The following PPEF1 variants were observed in gnomAD, a reference collection of about 807,000 sequenced individuals.
The protein encoded by PPEF1 is serine/threonine-protein phosphatase with EF-hands 1.
In PPEF1, 12 loss-of-function variants were observed where a neutral mutation model predicts 53.3. That is an observed-to-expected ratio of 0.23 (90% CI 0.14 to 0.36). The LOEUF is 0.36. PPEF1 is among the 10% of genes least tolerant of loss of function. The pLI, the probability that PPEF1 is intolerant of heterozygous loss-of-function variation, is 1.00. For synonymous variants in PPEF1, 165 were observed against 176.7 expected (o/e 0.93, Z 0.52); for missense variants, 334 against 490.4 (o/e 0.68, Z 3.01).
At chrX:18,699,873 A>G (rs1029984184) in intron 5 of PPEF1, among the ~76,000 whole-genome samples, 2 of 112,778 alleles carry the variant, frequency 1.8e-5, no homozygotes, top group Non-Finnish European at 3.7e-5. Context: ...TTTTCTAAAA[A>G]TTATCCTCAG....
chrX:18,733,529 T>C (rs1234311700), intron 2 of PPEF1, among the ~76,000 whole-genome samples: 1 of 111,856 alleles, frequency 8.9e-6, no homozygotes, highest in Non-Finnish European at 1.9e-5. Context: ...TCGTTGTCTC[T>C]GGGCAGCCCC....
intron 6 of PPEF1, among the ~76,000 whole-genome samples, chrX:18,768,516 G>A: frequency 8.9e-6 from 1 of 112,250 alleles, no homozygotes; most frequent in Non-Finnish European, 1.9e-5. Flanking sequence ...TTTCATCCAA[G>A]TGGTTGGTTT....
At chrX:18,819,022 G>A (rs1450918632) in intron 13 of PPEF1, among the ~76,000 whole-genome samples, 1 of 111,523 alleles carries the variant, frequency 9.0e-6, no homozygotes, top group Non-Finnish European at 1.9e-5. Context: ...AGTCTGTAAT[G>A]CTCCCTGACT....
At chrX:18,815,110 C>T (rs1022508448) in intron 12 of PPEF1, among the ~76,000 whole-genome samples, 3 of 111,588 alleles carry the variant, frequency 2.7e-5, no homozygotes, top group African/African-American at 9.8e-5. Flanking sequence ...GGAGTCCTTT[C>T]CCCATTGTTT....
rs1257114126 is a variant in PPEF1, at chrX:18,827,883, G to A, written c.*396G>A. The A allele has an allele frequency of 8.1e-6, 1 of 123,399 alleles. No homozygotes were observed. The highest frequency in any genetic ancestry group is 1.6e-5 in the Non-Finnish European group (1 of 61,007). The allele number at this position is 123,399 out of a possible 1,213,427, so 10.2% of individuals were successfully genotyped here. On this transcript the variant is annotated 3_prime_UTR_variant, in exon 16 of 16. Coordinates refer to ENST00000470157, the MANE Select transcript of PPEF1 (RefSeq NM_001377996.1). ...ACTGAGGGAGACAGGAGGAATACCA[G>A]GTTATTCATGGAATAAAGTCTTTCC...
At chrX:18,816,182 G>T (rs1033904748) in intron 12 of PPEF1, among the ~76,000 whole-genome samples, 1 of 110,543 alleles carries the variant, frequency 9.0e-6, no homozygotes, top group Non-Finnish European at 1.9e-5. Context: ...ATATGTTTTG[G>T]TATGTTGTAT....
chrX:18,786,305 T>TAA (rs1343978547), intron 9 of PPEF1, among the ~76,000 whole-genome samples: 1 of 111,939 alleles, frequency 8.9e-6, no homozygotes, highest in African/African-American at 3.2e-5. Context: ...CTTAACATAG[T>TAA]AAAGACTGTG....
intron 4 of PPEF1, among the ~76,000 whole-genome samples, chrX:18,755,570 C>G (rs967083714): frequency 1.8e-5 from 2 of 109,031 alleles, no homozygotes; most frequent in South Asian, 3.8e-4. Flanking sequence ...CCATCCCCCC[C>G]AGCCCCCAAA....
chrX:18,808,086 C>T (rs1197007945), intron 12 of PPEF1, among the ~76,000 whole-genome samples: 2 of 107,630 alleles, frequency 1.9e-5, no homozygotes, highest in African/African-American at 6.8e-5. Context: ...CCTGCCTCAG[C>T]CTCCCAAGTA....
At chrX:18,809,109 A>G (rs146985904) in intron 12 of PPEF1, among the ~76,000 whole-genome samples, 38,559 of 104,027 alleles carry the variant, frequency 0.37, 5,993 homozygotes, top group Non-Finnish European at 0.5. Flanking sequence ...CTATCTATCT[A>G]TCTATCTATC....
intron 4 of PPEF1, among the ~76,000 whole-genome samples, chrX:18,694,612 C>T (rs7064218): frequency 0.37 from 41,032 of 110,242 alleles, 6,185 homozygotes; most frequent in Non-Finnish European, 0.49. Context: ...TGGCATGTAC[C>T]TGTGATCCCA....
intron 1 of PPEF1, among the ~76,000 whole-genome samples, chrX:18,724,696 G>T (rs1391642318): frequency 1.2e-4 from 13 of 111,838 alleles, no homozygotes; most frequent in Non-Finnish European, 3.8e-5. Flanking sequence ...ATCAGATGAA[G>T]CAGCAGGACC....
intron 12 of PPEF1, among the ~76,000 whole-genome samples, chrX:18,817,068 ATGTGTGTGTGTG>A (rs72334387): frequency 4.0e-5 from 4 of 100,109 alleles, no homozygotes; most frequent in Admixed American, 1.1e-4. Context: ...TCATTTTGCC[ATGTGTGTGTGTG>A]TGTGTGTGTG....
At chrX:18,747,092 C>G (rs2045345564) in intron 3 of PPEF1, among the ~76,000 whole-genome samples, 1 of 110,885 alleles carries the variant, frequency 9.0e-6, no homozygotes, top group Non-Finnish European at 1.9e-5. Flanking sequence ...GATAAATTGT[C>G]CAAAGAAGAG....
At chrX:18,740,846 A>G (rs1336660409) in intron 3 of PPEF1, among the ~76,000 whole-genome samples, 2 of 110,149 alleles carry the variant, frequency 1.8e-5, no homozygotes, top group Non-Finnish European at 1.9e-5. Context: ...GCAAATTAAG[A>G]TCTGCCTGTT....
At chrX:18,800,600 CTT>C (rs1207834860) in intron 10 of PPEF1, among the ~76,000 whole-genome samples, 1 of 111,841 alleles carries the variant, frequency 8.9e-6, no homozygotes, top group Non-Finnish European at 1.9e-5. Flanking sequence ...TACAGATACT[CTT>C]TGATTTATGA....
chrX:18,777,743 G>A (rs1044760857), intron 6 of PPEF1, among the ~76,000 whole-genome samples: 24 of 105,430 alleles, frequency 2.3e-4, no homozygotes, highest in Non-Finnish European at 4.7e-4. Context: ...AGCCAGGATG[G>A]TCTTTTCTTT....
upstream of PPEF1, among the ~76,000 whole-genome samples, chrX:18,703,080 A>G (rs996991058): frequency 5.4e-5 from 6 of 110,873 alleles, no homozygotes; most frequent in African/African-American, 2.0e-4. Flanking sequence ...AAAATCCCCA[A>G]TCATTTTTAT....
chrX:18,753,665 C>T lies in PPEF1; in HGVS notation c.396+3713C>T, dbSNP rs776648178. 1.7e-4 allele frequency among the ~76,000 whole-genome samples: 19 copies of T among 111,972 alleles called. No individual in the cohort carries two copies. The South Asian group carries it at 6.6e-3, about 39-fold the overall frequency. On this transcript the variant is annotated intron_variant, in intron 4 of 15. Transcript: ENST00000470157. ...GTTGTGTTTTCATTTTTATTCTTCTCAAAGTATTTTCTAATTTCCTTTGTG... is the reference window on the plus strand; with the variant it reads ...GTTGTGTTTTCATTTTTATTCTTCTTAAAGTATTTTCTAATTTCCTTTGTG...
Sources: gnomAD v4.1 joint callset for allele counts (sites outside exome capture counted in the v4.1 genomes callset) on GRCh38, gnomAD v4.1.1 for gene constraint, MANE v1.5 for transcripts, NCBI Gene and HGNC (gene_info 2026-07-23, HGNC 2026-07-21) for gene names.